ARB2A: variants seen among roughly 807,000 people sequenced by gnomAD.
ARB2A encodes ARB2 cotranscriptional regulator A.
chr5:93,753,421 G>C, the ARB2A span, among the ~76,000 whole-genome samples: 4 of 152,276 alleles, frequency 2.6e-5, no homozygotes, highest in African/African-American at 9.6e-5. Flanking sequence ...ATAAAAATTA[G>C]GGTTACATTA....
At chr5:94,110,444 C>T in the ARB2A span, among the ~76,000 whole-genome samples, 3 of 152,162 alleles carry the variant, frequency 2.0e-5, no homozygotes, top group Non-Finnish European at 2.9e-5. Context: ...TATGGAGCAG[C>T]CATAGCCTGA....
At chr5:94,013,173 GTT>G in the ARB2A span, among the ~76,000 whole-genome samples, 27 of 112,504 alleles carry the variant, frequency 2.4e-4, no homozygotes, top group Admixed American at 3.7e-4. Context: ...TCAGTAAGTT[GTT>G]TTTTTTTTTT....
chr5:93,751,252 C>T, the ARB2A span, among the ~76,000 whole-genome samples: 1 of 151,940 alleles, frequency 6.6e-6, no homozygotes, highest in Non-Finnish European at 1.5e-5. Context: ...AGGATTGTGG[C>T]AGGCAGTTAT....
At chr5:93,865,460 T>C in the ARB2A span, 2 of 985,318 alleles carry the variant, frequency 2.0e-6, no homozygotes, top group Non-Finnish European at 2.4e-6. Context: ...ACTTGTGACA[T>C]GGTACATAAT....
the ARB2A span, among the ~76,000 whole-genome samples, chr5:93,959,618 A>G: frequency 1.3e-5 from 2 of 152,194 alleles, no homozygotes; most frequent in Admixed American, 1.3e-4. Context: ...ATGTAAATGG[A>G]CTTCCAAATT....
chr5:94,013,922 C>T, the ARB2A span, among the ~76,000 whole-genome samples: 1 of 152,156 alleles, frequency 6.6e-6, no homozygotes, highest in South Asian at 2.1e-4. Flanking sequence ...TACTGCCCTG[C>T]ACCTAGTACA....
the ARB2A span, among the ~76,000 whole-genome samples, chr5:93,832,269 A>G: frequency 6.6e-6 from 1 of 152,064 alleles, no homozygotes; most frequent in African/African-American, 2.4e-5. Flanking sequence ...TGGCTTAAAA[A>G]TCTTATACCC....
At chr5:93,931,946 C>T in the ARB2A span, among the ~76,000 whole-genome samples, 1 of 152,114 alleles carries the variant, frequency 6.6e-6, no homozygotes, top group Non-Finnish European at 1.5e-5. Context: ...CATATTGTTG[C>T]ATATAATTAT....
chr5:94,032,484 C>T, the ARB2A span, among the ~76,000 whole-genome samples: 1 of 152,116 alleles, frequency 6.6e-6, no homozygotes, highest in African/African-American at 2.4e-5. Flanking sequence ...GAGAAATCCA[C>T]CCCCATGATC....
At chr5:93,916,287 G>A in the ARB2A span, among the ~76,000 whole-genome samples, 3 of 152,088 alleles carry the variant, frequency 2.0e-5, no homozygotes, top group African/African-American at 7.2e-5. Context: ...CAATAACTAA[G>A]TGAGAAACAG....
chr5:93,714,317 A>C, the ARB2A span, among the ~76,000 whole-genome samples: 1 of 152,154 alleles, frequency 6.6e-6, no homozygotes, highest in Non-Finnish European at 1.5e-5. Flanking sequence ...AATGAGTTTA[A>C]ATTATTTATT....
chr5:93,636,241 A>G, the ARB2A span, among the ~76,000 whole-genome samples: 3 of 152,356 alleles, frequency 2.0e-5, no homozygotes, highest in East Asian at 5.8e-4. Context: ...AGATTACCCC[A>G]GTCAGTTAAT....
chr5:93,805,612 C>T, the ARB2A span: 1 of 985,104 alleles, frequency 1.0e-6, no homozygotes, highest in Non-Finnish European at 1.2e-6. Flanking sequence ...TCACCAACTA[C>T]TGAATTACAT....
the ARB2A span, among the ~76,000 whole-genome samples, chr5:94,043,305 A>G: frequency 6.6e-6 from 1 of 152,226 alleles, no homozygotes; most frequent in Admixed American, 6.5e-5. Context: ...TTTTACAGTC[A>G]AGAAAACTTT....
the ARB2A span, among the ~76,000 whole-genome samples, chr5:93,731,438 C>A: frequency 6.6e-6 from 1 of 152,202 alleles, no homozygotes; most frequent in Non-Finnish European, 1.5e-5. Context: ...ACCCTGCCCA[C>A]AAACTCATCT....
the ARB2A span, among the ~76,000 whole-genome samples, chr5:94,080,902 A>G: frequency 2.0e-5 from 3 of 152,152 alleles, no homozygotes; most frequent in African/African-American, 7.2e-5. Flanking sequence ...AAGCTATAAC[A>G]ATGTCCTTTT....
the ARB2A span, chr5:93,738,739 G>C: frequency 2.0e-5 from 3 of 152,338 alleles, no homozygotes; most frequent in East Asian, 5.8e-4. Flanking sequence ...CCATGAATAT[G>C]AACTGCTTAG....
the ARB2A span, among the ~76,000 whole-genome samples, chr5:94,071,018 A>C: frequency 6.6e-6 from 1 of 152,082 alleles, no homozygotes; most frequent in Non-Finnish European, 1.5e-5. Context: ...GTACCATATT[A>C]CCCAGCAGTC....
the ARB2A span, among the ~76,000 whole-genome samples, chr5:93,837,765 T>A: frequency 2.0e-4 from 31 of 152,188 alleles, no homozygotes; most frequent in African/African-American, 7.5e-4. Context: ...TGATTACTGA[T>A]GCTGTGCATT....
Sources: gnomAD v4.1 joint callset for allele counts (sites outside exome capture counted in the v4.1 genomes callset) on GRCh38, gnomAD v4.1.1 for gene constraint, MANE v1.5 for transcripts, NCBI Gene and HGNC (gene_info 2026-07-23, HGNC 2026-07-21) for gene names.